Variants in NRG3 observed in about 807,000 individuals in gnomAD.
The protein encoded by NRG3 is neuregulin 3, also known as pro-neuregulin-3, membrane-bound isoform.
A neutral mutation model predicts 66.9 loss-of-function variants in NRG3; 31 were observed. The observed-to-expected ratio is 0.46, with a 90% CI of 0.35 to 0.63. The LOEUF (loss-of-function observed/expected upper bound fraction) is 0.63, where lower values mean the gene tolerates loss of function less well. Ranked by LOEUF, NRG3 falls within the 20% of genes least tolerant of loss-of-function variation. The pLI is 0.00. For synonymous variants in NRG3, 393 were observed against 359.4 expected, an observed-to-expected ratio of 1.09 and a Z score of -1.06; for missense variants, 910 against 878.9, an observed-to-expected ratio of 1.04 and a Z score of -0.45.
At chr10:82,072,102 A>G (rs1387280405) in intron 1 of NRG3, among the ~76,000 whole-genome samples, 1 of 152,114 alleles carries the variant, frequency 6.6e-6, no homozygotes, top group African/African-American at 2.4e-5. Context: ...GAAGGCATCA[A>G]ATGGATTATG....
intron 1 of NRG3, among the ~76,000 whole-genome samples, chr10:81,878,779 A>G (rs1841916493): frequency 6.6e-6 from 1 of 152,116 alleles, no homozygotes; most frequent in African/African-American, 2.4e-5. Context: ...TGACTAACCC[A>G]CAAATTCTTT....
intron 2 of NRG3, among the ~76,000 whole-genome samples, chr10:82,448,283 C>T (rs537121163): frequency 3.3e-5 from 5 of 152,260 alleles, no homozygotes; most frequent in African/African-American, 4.8e-5. Context: ...AGCCCCCACC[C>T]GCTTTACAGC....
At chr10:82,803,473 A>G (rs981791042) in intron 3 of NRG3, among the ~76,000 whole-genome samples, 3 of 152,250 alleles carry the variant, frequency 2.0e-5, no homozygotes, top group African/African-American at 4.8e-5. Context: ...TGAAGGGCAC[A>G]TTTAAAAAAA....
intron 1 of NRG3, among the ~76,000 whole-genome samples, chr10:82,104,863 A>G (rs2066965574): frequency 6.6e-6 from 1 of 152,204 alleles, no homozygotes; most frequent in Non-Finnish European, 1.5e-5. Context: ...GAAGCTTTAT[A>G]GTGTTGATTA....
chr10:82,876,856 T>A (rs935626716), intron 4 of NRG3, among the ~76,000 whole-genome samples: 6 of 151,896 alleles, frequency 4.0e-5, no homozygotes, highest in Admixed American at 3.9e-4. Flanking sequence ...AAACCCCGTC[T>A]CTAATAAAAA....
At chr10:82,198,986 G>A (rs1192045874) in intron 1 of NRG3, among the ~76,000 whole-genome samples, 49 of 145,762 alleles carry the variant, frequency 3.4e-4, no homozygotes, top group African/African-American at 1.1e-3. Flanking sequence ...AACAGAACAC[G>A]ACTCCATCTA....
chr10:82,788,565 G>A (rs145366424), intron 3 of NRG3, among the ~76,000 whole-genome samples: 210 of 152,010 alleles, frequency 1.4e-3, no homozygotes, highest in African/African-American at 4.2e-3. Context: ...GTGAGACTCC[G>A]TCTCAAAAAA....
chr10:82,316,677 A>G (rs1822044745), intron 1 of NRG3, among the ~76,000 whole-genome samples: 1 of 152,226 alleles, frequency 6.6e-6, no homozygotes, highest in African/African-American at 2.4e-5. Flanking sequence ...TTCATTTCAT[A>G]AAACAAAACA....
chr10:82,542,407 G>A (rs2043605566), intron 2 of NRG3, among the ~76,000 whole-genome samples: 1 of 152,184 alleles, frequency 6.6e-6, no homozygotes. Context: ...AGAAAACCTT[G>A]AGATTTTCAC....
chr10:82,614,129 A>T (rs1590878472), intron 2 of NRG3, among the ~76,000 whole-genome samples: 1 of 139,258 alleles, frequency 7.2e-6, no homozygotes, highest in Admixed American at 7.5e-5. Flanking sequence ...CAAACTCCTG[A>T]CCTTGTGATC....
intron 1 of NRG3, among the ~76,000 whole-genome samples, chr10:81,990,814 A>G (rs1460757355): frequency 6.6e-6 from 1 of 152,136 alleles, no homozygotes; most frequent in African/African-American, 2.4e-5. Context: ...TATATTTGTC[A>G]AGGTAACTTT....
chr10:81,970,713 G>A (rs2059904001), intron 1 of NRG3, among the ~76,000 whole-genome samples: 1 of 152,076 alleles, frequency 6.6e-6, no homozygotes, highest in South Asian at 2.1e-4. Flanking sequence ...ACCAAGGTAT[G>A]GAGAGTCAGA....
chr10:82,795,613 GTTC>G (rs764435393), intron 3 of NRG3, among the ~76,000 whole-genome samples: 1 of 152,170 alleles, frequency 6.6e-6, no homozygotes, highest in Non-Finnish European at 1.5e-5. Flanking sequence ...CTGAACAAGT[GTTC>G]TTCTGGGCAG....
intron 2 of NRG3, among the ~76,000 whole-genome samples, chr10:82,662,879 T>G (rs2052474205): frequency 6.6e-6 from 1 of 152,186 alleles, no homozygotes; most frequent in African/African-American, 2.4e-5. Flanking sequence ...CTCCCTAGCA[T>G]GAGGCTTCCA....
At chr10:82,711,806 G>T (rs1176701619) in intron 2 of NRG3, among the ~76,000 whole-genome samples, 1 of 151,910 alleles carries the variant, frequency 6.6e-6, no homozygotes, top group Non-Finnish European at 1.5e-5. Flanking sequence ...AATCCTCTTG[G>T]ATCCCCATTG....
chr10:82,510,018 C>T (rs1646032919), intron 2 of NRG3, among the ~76,000 whole-genome samples: 1 of 152,150 alleles, frequency 6.6e-6, no homozygotes, highest in African/African-American at 2.4e-5. Context: ...TTACCAACTA[C>T]CCCTGACCAA....
intron 3 of NRG3, chr10:82,859,016 G>C (rs936650495): frequency 7.0e-6 from 1 of 142,904 alleles, no homozygotes; most frequent in Non-Finnish European, 1.5e-5. Context: ...ACACGATCTC[G>C]GCTCACTGCA....
intron 1 of NRG3, among the ~76,000 whole-genome samples, chr10:81,949,319 C>A (rs770244948): frequency 3.9e-5 from 6 of 152,152 alleles, no homozygotes; most frequent in African/African-American, 7.2e-5. Flanking sequence ...GGACTAAGGC[C>A]GTACCTCTTT....
chr10:82,000,123 T>C (rs971698315), intron 1 of NRG3, among the ~76,000 whole-genome samples: 1 of 152,208 alleles, frequency 6.6e-6, no homozygotes, highest in Non-Finnish European at 1.5e-5. Flanking sequence ...TGTTTCTGGT[T>C]GTGTTTTACA....
Sources: allele counts gnomAD v4.1 joint callset (sites outside exome capture counted in the v4.1 genomes callset), GRCh38; gene constraint gnomAD v4.1.1; transcripts MANE v1.5; gene names NCBI Gene and HGNC (gene_info 2026-07-23, HGNC 2026-07-21).